YME1L1: variants seen among roughly 807,000 people sequenced by gnomAD.
YME1L1 encodes the protein ATP-dependent zinc metalloprotease YME1L1.
Under a neutral mutation model 90.4 loss-of-function variants are expected in YME1L1, and 39 were observed. The observed-to-expected ratio is 0.43, with a 90% confidence interval of 0.33 to 0.56. The LOEUF is 0.56. Among genes scored for constraint, YME1L1 ranks in the 20% least tolerant of loss-of-function variants. The probability of loss-of-function intolerance (pLI) is 0.03; values close to 1 mark genes in which losing one functional copy is unlikely to be tolerated. For synonymous variants in YME1L1, 284 were observed against 287.3 expected, an observed-to-expected ratio of 0.99 and a Z score of 0.12; for missense variants, 617 against 868.4, an observed-to-expected ratio of 0.71 and a Z score of 3.64.
At chr10:27,119,580 AG>A (rs2056846024) in intron 13 of YME1L1, 131 bp from the exon 14 acceptor site, 11 of 946,960 alleles carry the variant, frequency 1.2e-5, no homozygotes, top group Non-Finnish European at 1.6e-5. Flanking sequence ...AGGCTGGGGC[AG>A]GCAGATCACC....
chr10:27,135,795 G>T (rs1448776066), intron 5 of YME1L1, among the ~76,000 whole-genome samples: 1 of 149,124 alleles, frequency 6.7e-6, no homozygotes, highest in African/African-American at 2.5e-5. Context: ...AGATTGATGG[G>T]TGGCAGTCTG....
intron 7 of YME1L1, among the ~76,000 whole-genome samples, 200 bp from the exon 8 acceptor site, chr10:27,132,141 A>AC (rs1283945417): frequency 8.5e-5 from 13 of 152,122 alleles, no homozygotes; most frequent in African/African-American, 3.1e-4. Flanking sequence ...TTGCTCTGTT[A>AC]CCAGGCTGGA....
rs1413718586 is a variant in YME1L1 at position 27,142,319 on chromosome 10, A to C, written c.430+68T>G. 5.3e-6 allele frequency: 5 copies of C among 936,964 alleles called. No individual in the cohort carries two copies. The Middle Eastern group carries it at 9.6e-4, about 180-fold the overall frequency. 58.0% of individuals were successfully genotyped at this position (936,964 alleles called of 1,614,324 possible). Reference sequence around the variant, plus strand: ...TGAATGTTTAGAATTAATACCATTAAGAAAGACAAATCAGACTATAGTAAA... The same window carrying C: ...TGAATGTTTAGAATTAATACCATTACGAAAGACAAATCAGACTATAGTAAA... On this transcript the variant is annotated intron_variant, in intron 4 of 18. Transcript: ENST00000376016.
chr10:27,115,143 C>G (rs1564454731), intron 17 of YME1L1, among the ~76,000 whole-genome samples: 2 of 152,076 alleles, frequency 1.3e-5, no homozygotes, highest in Non-Finnish European at 1.5e-5. Context: ...ATCCCAGCTA[C>G]TTGGGAGGCT....
In YME1L1 at chr10:27,142,431, G is replaced by C; in HGVS notation, c.386C>G (p.Ser129Ter). The C allele has an allele frequency of 1.6e-5, 24 of 1,531,330 alleles. No homozygotes were observed. The highest frequency in any genetic ancestry group is 2.1e-5 in the Non-Finnish European group (24 of 1,139,444). 94.9% of individuals were successfully genotyped at this position (1,531,330 alleles called of 1,614,324 possible). A position where few individuals can be genotyped will look rare whatever the true frequency, so the allele number is the denominator to read the frequency against. ...LRSSCLYRHH[S>*]RALQSICSDL... Reference sequence around the variant, plus strand: ...TGAACAAATGCTTTGAAGAGCTCTTGAATGATGTCGATACAAGCAAGAGGA... The same window carrying C: ...TGAACAAATGCTTTGAAGAGCTCTTCAATGATGTCGATACAAGCAAGAGGA... Residue 129 changes from serine (S) to a stop codon, truncating the protein, a stop_gained, in exon 4 of 19, where the codon TCA becomes TGA. Transcript: ENST00000376016. LOFTEE classifies it high-confidence loss of function.
At chr10:27,152,252 T>C (rs980866783) in intron 1 of YME1L1, among the ~76,000 whole-genome samples, 1 of 152,238 alleles carries the variant, frequency 6.6e-6, no homozygotes, top group Non-Finnish European at 1.5e-5. Flanking sequence ...TTTATTTGAA[T>C]TAGTTATATC....
At chr10:27,126,622 A>C in intron 9 of YME1L1, 74 bp downstream of exon 9, 1 of 743,158 alleles carries the variant, frequency 1.3e-6, no homozygotes, top group Non-Finnish European at 2.1e-6. Flanking sequence ...TTAAATAAGT[A>C]ATATAGGTTT....
chr10:27,122,605 AATAAG>A (rs2056878316), intron 11 of YME1L1, among the ~76,000 whole-genome samples: 1 of 152,356 alleles, frequency 6.6e-6, no homozygotes, highest in Admixed American at 6.5e-5. Context: ...CCATAAATTA[AATAAG>A]ATGAGTTGAT....
At chr10:27,115,013 C>T (rs955763812) in intron 17 of YME1L1, among the ~76,000 whole-genome samples, 4 of 151,836 alleles carry the variant, frequency 2.6e-5, no homozygotes, top group African/African-American at 7.3e-5. Context: ...GGTGACAGAG[C>T]GAGACTCCGT....
chr10:27,145,532 T>A lies in YME1L1; in HGVS notation c.227A>T (p.Gln76Leu). Reference protein sequence around the residue: ...LSELKIGQIDQLVENLLPGFC... With the variant: ...LSELKIGQIDLLVENLLPGFC... ...TCCAGGAAGTAGATTTTCTACCAGCTGATCAATCTGTCCAATTTTTAGTTC... is the reference window on the plus strand; with the variant it reads ...TCCAGGAAGTAGATTTTCTACCAGCAGATCAATCTGTCCAATTTTTAGTTC... Residue 76 changes from glutamine (Q) to leucine (L), a missense_variant, in exon 3 of 19, where the codon CAG becomes CTG. Gln to Leu is a moderately radical substitution (Grantham distance 113). This residue lies in a region of YME1L1 where 311 missense variants were observed against 335.8 expected (regional missense o/e 0.93). Coordinates refer to ENST00000376016, the MANE Select transcript of YME1L1 (RefSeq NM_014263.4). 1 of 1,613,666 alleles carries A rather than the reference T, an allele frequency of 6.2e-7. No homozygotes were observed. Among genetic ancestry groups the A allele is most frequent in the Non-Finnish European group, 8.5e-7 (1 of 1,179,710 alleles).
Position 27,126,781 on chromosome 10 carries a change from C to T in YME1L1, c.864G>A (p.Glu288=). ...NVTFEHVKGV[E]EAKQELQEVV... is the part of the protein sequence containing the mutation. ...CTTCCTGTAATTCTTGTTTAGCTTC[C>T]TCCACCTAAAGTGACACAATTTTCC... The change falls in exon 9 of 19, where the codon GAG becomes GAA. Residue 288 remains glutamate (E), a synonymous_variant. Coordinates refer to ENST00000376016, the MANE Select transcript of YME1L1 (RefSeq NM_014263.4). 4.4e-6 allele frequency: 7 copies of T among 1,578,208 alleles called. No homozygotes were observed. Among genetic ancestry groups the T allele is most frequent in the Non-Finnish European group, 6.0e-6 (7 of 1,163,456 alleles).
chr10:27,119,493 T>C (rs1564456544), intron 13 of YME1L1, 44 bp from the exon 14 acceptor site: 9 of 1,562,816 alleles, frequency 5.8e-6, no homozygotes, highest in Non-Finnish European at 6.9e-6. Context: ...CTAAAACAGG[T>C]AAAAGAAAGC....
chr10:27,133,349 C>A (rs1159106206), intron 7 of YME1L1, among the ~76,000 whole-genome samples: 4 of 152,144 alleles, frequency 2.6e-5, no homozygotes, highest in Non-Finnish European at 5.9e-5. Flanking sequence ...AACTTCCAAA[C>A]TAGAGCAGTT....
intron 2 of YME1L1, chr10:27,147,812 C>A: frequency 1.8e-6 from 2 of 1,110,460 alleles, no homozygotes; most frequent in Non-Finnish European, 1.3e-6. Flanking sequence ...GCACAATGGC[C>A]AGCAGGACCT....
intron 9 of YME1L1, among the ~76,000 whole-genome samples, chr10:27,125,345 G>A (rs7909444): frequency 6.8e-6 from 1 of 146,886 alleles, no homozygotes; most frequent in Admixed American, 7.1e-5. Context: ...GCTAAACTGA[G>A]AACATTCTAT....
At chr10:27,142,757 C>T (rs952900662) in intron 3 of YME1L1, among the ~76,000 whole-genome samples, 4 of 152,110 alleles carry the variant, frequency 2.6e-5, no homozygotes, top group African/African-American at 9.7e-5. Context: ...GCTCTGTCGC[C>T]CAGGCTGGAG....
chr10:27,120,329 G>T, intron 13 of YME1L1, 106 bp downstream of exon 13: 2 of 715,506 alleles, frequency 2.8e-6, no homozygotes, highest in Non-Finnish European at 4.5e-6. Context: ...AGACAAAAAT[G>T]AACTGGTCTT....
Position 27,120,483 on chromosome 10 carries a change from G to A in YME1L1, c.1363C>T (p.Arg455Ter). Residue 455 changes from arginine to a stop codon, truncating the protein, a stop_gained, in exon 13 of 19, where the codon CGA (arginine) becomes TGA (stop). Coordinates refer to ENST00000376016, the MANE Select transcript of YME1L1 (RefSeq NM_014263.4). LOFTEE classifies it high-confidence loss of function. ...AGATACCATTTCAAAATTTCTGTTC[G>A]ACCTTTTACATCTGGCCTTGGAACT... ...VTVPRPDVKGRTEILKWYLNK... is the reference protein window; with the variant it reads ...VTVPRPDVKG 6.2e-7 allele frequency: 1 copy of A among 1,613,616 alleles called. No homozygotes were observed. Among genetic ancestry groups the A allele is most frequent in the Non-Finnish European group, 8.5e-7 (1 of 1,179,736 alleles).
At chr10:27,147,766 A>C in intron 2 of YME1L1, 5 of 1,492,996 alleles carry the variant, frequency 3.3e-6, no homozygotes, top group Non-Finnish European at 4.5e-6. Flanking sequence ...GGCTCCTGTC[A>C]ATTGTGCAGT....
Sources: gnomAD v4.1 joint callset for allele counts (sites outside exome capture counted in the v4.1 genomes callset) on GRCh38, gnomAD v4.1.1 for gene constraint, gnomAD v4.1.1 regional missense constraint, MANE v1.5 for transcripts, NCBI Gene and HGNC (gene_info 2026-07-23, HGNC 2026-07-21) for gene names.